Variants in DST observed in about 807,000 individuals in gnomAD.
The protein encoded by DST is bullous pemphigoid antigen.
DST carries 253 observed loss-of-function variants against 875.2 expected under a neutral mutation model. The observed-to-expected ratio is 0.29, with a 90% CI of 0.26 to 0.32. The LOEUF (loss-of-function observed/expected upper bound fraction) is 0.32. Among genes scored for constraint, DST ranks in the 10% least tolerant of loss-of-function variants. The probability of loss-of-function intolerance (pLI) is 1.00; values close to 1 mark genes in which losing one functional copy is unlikely to be tolerated. For missense variants in DST, 8,287 were observed against 9,111.6 expected, an observed-to-expected ratio of 0.91 and a Z score of 3.68; for synonymous variants, 3,124 against 3,197.1, an observed-to-expected ratio of 0.98 and a Z score of 0.77.
At chr6:56,561,257 T>G in intron 57 of DST, 51 bp downstream of exon 57, 1 of 1,541,374 alleles carries the variant, frequency 6.5e-7, no homozygotes, top group Non-Finnish European at 8.8e-7. Flanking sequence ...CCGTTCCAAC[T>G]GCTAATCCAT....
chr6:56,482,842 A>T lies in DST; in HGVS notation c.21243T>A (p.Ser7081Arg), dbSNP rs779915352. ...FQKELGKRTSSVQALKRSARE... is the reference protein window; with the variant it reads ...FQKELGKRTSRVQALKRSARE... ...GGGCTGAGCGCTTCAGGGCCTGCAC[A>T]CTGCTGGTCCTCTTCCCCAACTCTT... The change falls in exon 89 of 104, where the codon AGT becomes AGA. Residue 7081 changes from serine (S) to arginine (R), a missense_variant. Ser to Arg is a moderately radical substitution (Grantham distance 110, BLOSUM62 -1). Around this residue, in one of 10 missense-constraint regions of DST, gnomAD observed 1,292 missense variants for 1,552.7 expected, o/e 0.83. Coordinates refer to ENST00000680361, the MANE Select transcript of DST (RefSeq NM_001374736.1). 20 of 1,595,032 alleles carry T rather than the reference A, an allele frequency of 1.3e-5. No homozygotes were observed. The highest frequency in any genetic ancestry group is 1.6e-5 in the Non-Finnish European group (19 of 1,169,822).
chr6:56,912,037 C>T (rs988604878), intron 2 of DST, among the ~76,000 whole-genome samples: 8 of 152,206 alleles, frequency 5.3e-5, no homozygotes, highest in Non-Finnish European at 8.8e-5. Context: ...GGTCACATCA[C>T]TCCTTTTGGT....
chr6:56,517,375 C>T (rs2096615012), intron 70 of DST, 70 bp from the exon 71 acceptor site: 1 of 1,579,218 alleles, frequency 6.3e-7, no homozygotes, highest in Non-Finnish European at 8.7e-7. Flanking sequence ...AACAATTAGG[C>T]TAAGTAGTTA....
chr6:56,475,212 G>A (rs2095118720), intron 92 of DST, among the ~76,000 whole-genome samples: 1 of 152,066 alleles, frequency 6.6e-6, no homozygotes, highest in African/African-American at 2.4e-5. Flanking sequence ...AGCAAAGGCT[G>A]TGGAAAGGCA....
At chr6:56,573,936 A>G (rs1471015429) in intron 50 of DST, 49 bp from the exon 51 acceptor site, 2 of 1,376,802 alleles carry the variant, frequency 1.5e-6, no homozygotes, top group Non-Finnish European at 2.0e-6. Flanking sequence ...TCTTTGCCCT[A>G]TCCCTTTTCA....
intron 10 of DST, among the ~76,000 whole-genome samples, chr6:56,651,713 G>A (rs1199050205): frequency 6.6e-6 from 1 of 152,108 alleles, no homozygotes; most frequent in African/African-American, 2.4e-5. Context: ...CTTCCAAGGA[G>A]AGATCAAGCT....
chr6:56,687,883 T>A lies in DST; in HGVS notation c.1047+11770A>T, dbSNP rs548346469. Reference sequence around the variant, plus strand: ...TTTTAACTGGTACAAACTGCCTATATAAGGGAAGGGTGAAATGGAGAACAA... The same window carrying A: ...TTTTAACTGGTACAAACTGCCTATAAAAGGGAAGGGTGAAATGGAGAACAA... On this transcript the variant is annotated intron_variant, in intron 9 of 103. Transcript: ENST00000680361. Among the ~76,000 whole-genome samples, 10 of 151,792 alleles carry A rather than the reference T, an allele frequency of 6.6e-5. No homozygotes were observed. The South Asian group carries it at 2.1e-3, about 32-fold the overall frequency.
intron 49 of DST, among the ~76,000 whole-genome samples, chr6:56,585,123 A>C (rs2152664726): frequency 6.6e-6 from 1 of 152,288 alleles, no homozygotes; most frequent in East Asian, 1.9e-4. Flanking sequence ...TGAGTTAGGG[A>C]GGATTCCCTC....
rs755370900 is a variant in DST, at chr6:56,851,599, G to A, written c.423C>T (p.Ser141=). 27 of 1,613,514 alleles carry A rather than the reference G, an allele frequency of 1.7e-5. 1 individual carries two copies. In the Admixed American group the frequency reaches 4.5e-4, roughly 27 times the overall value. ...VQGASIRRPS[S]GNASYRCSMS... ...TAGAGCAGCGATAGGACGCGTTCCC[G>A]GAACTCTACAGAGAATGACACAGAA... Residue 141 remains serine, a synonymous_variant, in exon 4 of 104, where the codon TCC becomes TCT. Coordinates refer to ENST00000680361, the MANE Select transcript of DST (RefSeq NM_001374736.1).
intron 21 of DST, 29 bp from the exon 22 acceptor site, chr6:56,639,392 G>C: frequency 1.2e-6 from 2 of 1,612,620 alleles, no homozygotes; most frequent in Non-Finnish European, 8.5e-7. Context: ...AAGTGTGTTA[G>C]AAAAATATAT....
Position 56,735,251 on chromosome 6 carries a change from A to G in DST, c.664T>C (p.Trp222Arg). ...DKVQKKTFTKWINQHLMKVRK... is the reference protein window; with the variant it reads ...DKVQKKTFTKRINQHLMKVRK... Reference sequence around the variant, plus strand: ...ACCTTCATGAGATGCTGATTTATCCATTTTGTAAATGTTTTCTTCTGAACT... The same window carrying G: ...ACCTTCATGAGATGCTGATTTATCCGTTTTGTAAATGTTTTCTTCTGAACT... The change falls in exon 5 of 104, where the codon TGG becomes CGG. Residue 222 changes from tryptophan (W) to arginine (R), a missense_variant. Trp to Arg is a moderately radical substitution (Grantham distance 101, BLOSUM62 -3). Transcript: ENST00000680361. 1 of 1,551,866 alleles carries G rather than the reference A, an allele frequency of 6.4e-7. No individual in the cohort carries two copies.
intron 4 of DST, among the ~76,000 whole-genome samples, chr6:56,848,481 T>TTTTC: frequency 6.6e-6 from 1 of 152,276 alleles, no homozygotes; most frequent in South Asian, 2.1e-4. Flanking sequence ...TGAAAATATA[T>TTTTC]AACAAAATTA....
intron 10 of DST, among the ~76,000 whole-genome samples, chr6:56,656,046 A>C (rs1472197361): frequency 6.6e-6 from 1 of 152,244 alleles, no homozygotes; most frequent in African/African-American, 2.4e-5. Flanking sequence ...GGGACATATC[A>C]GTGTTTCAAA....
intron 9 of DST, among the ~76,000 whole-genome samples, chr6:56,696,765 A>G (rs2099266545): frequency 2.0e-5 from 3 of 151,920 alleles, no homozygotes; most frequent in Admixed American, 2.0e-4. Flanking sequence ...CATTATTTCT[A>G]CTTGAAATTC....
In DST at chr6:56,485,356, G is replaced by A. The variant is rs1210869509; in HGVS notation, c.21163C>T (p.His7055Tyr). 1.9e-6 allele frequency: 3 copies of A among 1,613,834 alleles called. No individual in the cohort carries two copies. Among genetic ancestry groups the A allele is most frequent in the East Asian group, 4.5e-5 (2 of 44,862 alleles). The change falls in exon 88 of 104, where the codon CAT becomes TAT. Residue 7055 changes from histidine to tyrosine, a missense_variant. By Grantham distance (83) the His-to-Tyr change is moderately conservative. Around this residue, in one of 10 missense-constraint regions of DST, gnomAD observed 1,292 missense variants for 1,552.7 expected, o/e 0.83. Transcript: ENST00000680361. Reference protein sequence around the residue: ...EPQLAEDQPVHGDIDLVMNLI... With the variant: ...EPQLAEDQPVYGDIDLVMNLI... ...TTCATCACCAAATCAATGTCTCCATGAACAGGCTGGTCTTCTGCCAGCTGG... is the reference window on the plus strand; with the variant it reads ...TTCATCACCAAATCAATGTCTCCATAAACAGGCTGGTCTTCTGCCAGCTGG...
intron 4 of DST, among the ~76,000 whole-genome samples, chr6:56,746,451 T>A (rs2099572698): frequency 6.6e-6 from 1 of 152,142 alleles, no homozygotes; most frequent in Non-Finnish European, 1.5e-5. Flanking sequence ...TAAATATCAG[T>A]CACCAGGAGA....
intron 4 of DST, among the ~76,000 whole-genome samples, chr6:56,751,075 G>A (rs1448600777): frequency 6.6e-6 from 1 of 151,848 alleles, no homozygotes; most frequent in Non-Finnish European, 1.5e-5. Context: ...TCAGGTTCTG[G>A]AATCTAAAAA....
At chr6:56,742,202 G>T in intron 4 of DST, 2 of 980,576 alleles carry the variant, frequency 2.0e-6, no homozygotes, top group African/African-American at 1.7e-5. Flanking sequence ...GCAAACCAAA[G>T]CAGGTAGTGC....
chr6:56,838,738 A>G (rs1391140484), intron 4 of DST, among the ~76,000 whole-genome samples: 1 of 152,222 alleles, frequency 6.6e-6, no homozygotes, highest in East Asian at 1.9e-4. Flanking sequence ...ACTCATATAC[A>G]CTCCTTATTG....
Sources: allele counts gnomAD v4.1 joint callset (sites outside exome capture counted in the v4.1 genomes callset), GRCh38; gene constraint gnomAD v4.1.1; regional missense constraint gnomAD v4.1.1; transcripts MANE v1.5; gene names NCBI Gene and HGNC (gene_info 2026-07-23, HGNC 2026-07-21).